Variants in COQ2 observed in about 807,000 individuals in gnomAD.
COQ2 encodes coenzyme Q2, polyprenyltransferase.
Under a neutral mutation model 35.7 loss-of-function variants are expected in COQ2, and 25 were observed. The ratio of observed to expected loss-of-function variants is 0.70; its 90% confidence interval spans 0.51 to 0.98. The LOEUF (loss-of-function observed/expected upper bound fraction) is 0.98, where lower values mean the gene tolerates loss of function less well. COQ2 is among the 50% of genes least tolerant of loss of function. The probability of loss-of-function intolerance (pLI) is 0.00; values close to 1 mark genes in which losing one functional copy is unlikely to be tolerated. For synonymous variants in COQ2, 206 were observed against 186.2 expected (o/e 1.11, Z -0.86); for missense variants, 488 against 473.5 (o/e 1.03, Z -0.28).
At position 83,284,783 on chromosome 4, in the gene COQ2, A is replaced by G; in HGVS notation, c.-19T>C. On this transcript the variant is annotated 5_prime_UTR_variant, in exon 1 of 7. Coordinates refer to ENST00000647002, the MANE Select transcript of COQ2 (RefSeq NM_001358921.2). ...CCAGCATGGCGCTGGTGAGGCCGGGACGAGCTCGGATTGACGTCATTCCCC... is the reference window on the plus strand; with the variant it reads ...CCAGCATGGCGCTGGTGAGGCCGGGGCGAGCTCGGATTGACGTCATTCCCC... 6.4e-7 allele frequency: 1 copy of G among 1,564,036 alleles called. No individual in the cohort carries two copies. Among genetic ancestry groups the G allele is most frequent in the Non-Finnish European group, 8.6e-7 (1 of 1,162,174 alleles).
chr4:83,282,592 C>T, intron 1 of COQ2: 1 of 908,992 alleles, frequency 1.1e-6, no homozygotes, highest in Non-Finnish European at 1.3e-6. Flanking sequence ...TCTGTAAGTA[C>T]AATTTTCTCC....
At chr4:83,272,196 A>T (rs1466800125) in intron 3 of COQ2, 24 bp from the exon 4 acceptor site, 1 of 1,512,960 alleles carries the variant, frequency 6.6e-7, no homozygotes, top group African/African-American at 1.4e-5. Context: ...AAACCATTAA[A>T]GTGATTATTA....
rs761494164 is a variant in COQ2 at position 83,276,070 on chromosome 4, T to TATATATAATATATA, written c.421-2467_421-2454dup. 5.8e-3 allele frequency among the ~76,000 whole-genome samples: 388 copies of TATATATAATATATA among 66,402 alleles called. 2 individuals carry two copies. Among genetic ancestry groups the TATATATAATATATA allele is most frequent in the African/African-American group, 0.017 (359 of 21,176 alleles). The allele number at this position is 66,402 out of a possible 152,430, so 43.6% of individuals were successfully genotyped here. On this transcript the variant is annotated intron_variant, in intron 2 of 6. Transcript: ENST00000647002. ...TATATATTATATATAATATATATTT[T>TATATATAATATATA]ATATATAATATATATATACATATTC...
upstream of COQ2, chr4:83,284,918 G>A (rs757996760): frequency 6.2e-5 from 93 of 1,503,140 alleles, no homozygotes; most frequent in Non-Finnish European, 8.0e-5. Context: ...GGGTCATCGT[G>A]GTCGCTTACT....
At chr4:83,277,697 C>T (rs1185572722) in intron 2 of COQ2, among the ~76,000 whole-genome samples, 2 of 152,164 alleles carry the variant, frequency 1.3e-5, no homozygotes, top group South Asian at 2.1e-4. Context: ...TGGCCAGGCG[C>T]GGTGGCTCAT....
rs558806041 is a variant in COQ2 at position 83,264,499 on chromosome 4, C to T, written c.952-136G>A. The T allele has an allele frequency of 1.5e-4, 197 of 1,290,034 alleles. 5 individuals are homozygous for T. The South Asian group carries it at 3.0e-3, about 20-fold the overall frequency. The allele number at this position is 1,290,034 out of a possible 1,614,324, so 79.9% of individuals were successfully genotyped here. A position where few individuals can be genotyped will look rare whatever the true frequency, so the allele number is the denominator to read the frequency against. On this transcript the variant is annotated intron_variant, in intron 6 of 6. Coordinates refer to ENST00000647002, the MANE Select transcript of COQ2 (RefSeq NM_001358921.2). Reference sequence around the variant, plus strand: ...TAAAAAATGAAAAATTAGCTAGGCACGAAGGCACATGCCTGTAGTCCCAGC... The same window carrying T: ...TAAAAAATGAAAAATTAGCTAGGCATGAAGGCACATGCCTGTAGTCCCAGC...
chr4:83,284,468 C>G (rs2126176935), intron 1 of COQ2, 44 bp downstream of exon 1: 1 of 1,523,204 alleles, frequency 6.6e-7, no homozygotes, highest in Non-Finnish European at 8.8e-7. Flanking sequence ...GACTCGGAGG[C>G]TGCTACTTGC....
chr4:83,280,575 A>G (rs956575564), intron 1 of COQ2, among the ~76,000 whole-genome samples: 4 of 152,278 alleles, frequency 2.6e-5, no homozygotes, highest in African/African-American at 9.6e-5. Flanking sequence ...CAAAAGAAAG[A>G]AATACAGTTA....
At chr4:83,277,503 A>C (rs1002531924) in intron 2 of COQ2, among the ~76,000 whole-genome samples, 3 of 152,148 alleles carry the variant, frequency 2.0e-5, no homozygotes, top group Non-Finnish European at 4.4e-5. Context: ...CCTTAGGTTG[A>C]GGTAAGTGGT....
At position 83,284,578 on chromosome 4, in the gene COQ2, CCGCCGCCGCGGACAAACTGAGCTGG is replaced by C. The variant is rs1362477157; in HGVS notation, c.162_186del (p.Gln55TrpfsTer59). The stretch of plus-strand genomic sequence containing the variant: ...AGGGGGCGGGGCGCAGAGTCCACCA[CCGCCGCCGCGGACAAACTGAGCTGG>C]CGCCCGCGCGGCTCGGGACAGGCGG... On this transcript the variant is annotated frameshift_variant, in exon 1 of 7. Transcript: ENST00000647002. LOFTEE classifies it high-confidence loss of function. 6.4e-7 allele frequency: 1 copy of C among 1,552,626 alleles called. No homozygotes were observed. Among genetic ancestry groups the C allele is most frequent in the Non-Finnish European group, 8.7e-7 (1 of 1,150,696 alleles).
chr4:83,273,439 A>AT, intron 3 of COQ2, 57 bp downstream of exon 3: 1 of 1,523,408 alleles, frequency 6.6e-7, no homozygotes, highest in Non-Finnish European at 8.9e-7. Context: ...TTTTATTCCT[A>AT]TTTTCTCCAT....
intron 1 of COQ2, among the ~76,000 whole-genome samples, chr4:83,281,266 GA>G (rs1276810902): frequency 6.6e-6 from 1 of 152,176 alleles, no homozygotes; most frequent in Non-Finnish European, 1.5e-5. Context: ...AGAGAAGAGA[GA>G]ATACCACTTC....
chr4:83,277,723 A>C (rs1222302478), intron 2 of COQ2, among the ~76,000 whole-genome samples: 2 of 152,180 alleles, frequency 1.3e-5, no homozygotes, highest in African/African-American at 4.8e-5. Context: ...TAATCCCAGC[A>C]CTTTGGGAGG....
At chr4:83,267,906 C>T (rs1207090975) in intron 5 of COQ2, 132 bp from the exon 6 acceptor site, 1 of 685,182 alleles carries the variant, frequency 1.5e-6, no homozygotes, top group African/African-American at 1.8e-5. Context: ...CCACTAACTA[C>T]TTTCAGAAGA....
At position 83,267,670 on chromosome 4, in the gene COQ2, T is replaced by G. The variant is rs1158555825; in HGVS notation, c.867A>C (p.Ala289=). ...LSGFSVAMLG[A]LSLVGVNSGQ... is the part of the protein sequence containing the mutation. ...CACTGTTCACACCCACTAGGCTCAGTGCCCCCAGCATTGCAACACTGAAGC... is the reference window on the plus strand; with the variant it reads ...CACTGTTCACACCCACTAGGCTCAGGGCCCCCAGCATTGCAACACTGAAGC... Residue 289 remains alanine (A), a synonymous_variant, in exon 6 of 7, where the codon GCA becomes GCC. Coordinates refer to ENST00000647002, the MANE Select transcript of COQ2 (RefSeq NM_001358921.2). 3 of 1,569,698 alleles carry G rather than the reference T, an allele frequency of 1.9e-6. No individual in the cohort carries two copies. The East Asian group carries it at 7.1e-5, about 37-fold the overall frequency.
chr4:83,280,240 A>C (rs1735288425), intron 1 of COQ2, among the ~76,000 whole-genome samples: 1 of 152,238 alleles, frequency 6.6e-6, no homozygotes, highest in Non-Finnish European at 1.5e-5. Flanking sequence ...AAGACTTCAA[A>C]TATGAACTTT....
Position 83,284,627 on chromosome 4 carries a change from G to C in COQ2, c.138C>G (p.Pro46=), listed in dbSNP as rs773904460. 8.6e-6 allele frequency: 13 copies of C among 1,514,822 alleles called. No individual in the cohort carries two copies. Among genetic ancestry groups the C allele is most frequent in the Middle Eastern group, 1.9e-4 (1 of 5,144 alleles). 93.8% of individuals were successfully genotyped at this position (1,514,822 alleles called of 1,614,324 possible). A position where few individuals can be genotyped will look rare whatever the true frequency, so the allele number is the denominator to read the frequency against. The change falls in exon 1 of 7, where the codon CCC becomes CCG. Residue 46 remains proline (P), a synonymous_variant. Coordinates refer to ENST00000647002, the MANE Select transcript of COQ2 (RefSeq NM_001358921.2). ...GGCGCCCGCGCGGCTCGGGACAGGCGGGGGGCTGCAAGTCACCACCGTGGG... is the reference window on the plus strand; with the variant it reads ...GGCGCCCGCGCGGCTCGGGACAGGCCGGGGGCTGCAAGTCACCACCGTGGG... The part of the protein sequence containing the change: ...GAPHGGDLQP[P]ACPEPRGRQL...
At chr4:83,280,870 T>C (rs772819406) in intron 1 of COQ2, among the ~76,000 whole-genome samples, 6 of 152,220 alleles carry the variant, frequency 3.9e-5, no homozygotes, top group Non-Finnish European at 8.8e-5. Flanking sequence ...ATTTACGGAG[T>C]GCTCACAAAG....
chr4:83,280,791 T>A (rs7685663), intron 1 of COQ2, among the ~76,000 whole-genome samples: 3,361 of 152,236 alleles, frequency 0.022, 128 homozygotes, highest in African/African-American at 0.075. Context: ...AAATGGTCAG[T>A]CCAGACCTGA....
Sources: allele counts gnomAD v4.1 joint callset (sites outside exome capture counted in the v4.1 genomes callset), GRCh38; gene constraint gnomAD v4.1.1; transcripts MANE v1.5; gene names NCBI Gene and HGNC (gene_info 2026-07-23, HGNC 2026-07-21).